PPP1R3E: variants seen among roughly 807,000 people sequenced by gnomAD.
The protein encoded by PPP1R3E is protein phosphatase 1 regulatory subunit 3E, also known as protein phosphatase 1, regulatory (inhibitor) subunit 3E.
In PPP1R3E, 20 loss-of-function variants were observed where a neutral mutation model predicts 18.5. The observed-to-expected ratio is 1.08, with a 90% CI of 0.76 to 1.58. The LOEUF is 1.58. PPP1R3E is among the 40% of genes most tolerant of loss of function. The pLI is 0.00. For missense variants in PPP1R3E, 498 were observed against 460.2 expected (o/e 1.08, Z -0.75); for synonymous variants, 208 against 208.1 (o/e 1.00, Z 0.00).
At position 23,301,792 on chromosome 14, in the gene PPP1R3E, T is replaced by C. The variant is rs894278358; in HGVS notation, c.484A>G (p.Ile162Val). Reference sequence around the variant, plus strand: ...CCCGCCTCGGCGCGTTCCAGGCAGATGCGCTGCGTCAGCAAGCGGGCGGCG... The same window carrying C: ...CCCGCCTCGGCGCGTTCCAGGCAGACGCGCTGCGTCAGCAAGCGGGCGGCG... ...GFAARLLTQR[I>V]CLERAEAGPL... Residue 162 changes from isoleucine to valine, a missense_variant, in exon 2 of 5, where the codon ATC becomes GTC. Physicochemically the swap from Ile to Val is conservative, Grantham distance 29. Transcript: ENST00000452015. 23 of 1,469,648 alleles carry C rather than the reference T, an allele frequency of 1.6e-5. No homozygotes were observed. The African/African-American group carries it at 2.9e-4, about 19-fold the overall frequency. 91.0% of individuals were successfully genotyped at this position (1,469,648 alleles called of 1,614,324 possible). A position where few individuals can be genotyped will look rare whatever the true frequency, so the allele number is the denominator to read the frequency against.
At position 23,300,778 on chromosome 14, in the gene PPP1R3E, G is replaced by C. The variant is rs900441761; in HGVS notation, c.*225C>G. ...GCTACCTGTCATCACTCCCCAGCCA[G>C]TCCGCGGACACCGCAGCCAGGAACT... is the stretch of plus-strand genomic sequence containing the variant. On this transcript the variant is annotated 3_prime_UTR_variant, in exon 3 of 5. Transcript: ENST00000452015. 6.6e-6 allele frequency: 1 copy of C among 152,280 alleles called. No homozygotes were observed. The highest frequency in any genetic ancestry group is 1.5e-5 in the Non-Finnish European group (1 of 68,090). The allele number at this position is 152,280 out of a possible 1,614,324, so 9.4% of individuals were successfully genotyped here.
chr14:23,301,585 C>T lies in PPP1R3E; in HGVS notation c.691G>A (p.Gly231Arg), dbSNP rs540190699. Reference protein sequence around the residue: ...FAFRLPAPPIGGALLFALRYR... With the variant: ...FAFRLPAPPIRGALLFALRYR... ...CGCAAGGCGAAGAGCAGGGCGCCCC[C>T]AATCGGCGGCGCGGGCAGGCGGAAG... Residue 231 changes from glycine (G) to arginine (R), a missense_variant, in exon 2 of 5, where the codon GGG (glycine) becomes AGG (arginine). Gly to Arg is a moderately radical substitution (Grantham distance 125, BLOSUM62 -2). Transcript: ENST00000452015. The T allele has an allele frequency of 1.8e-4, 255 of 1,449,010 alleles. 2 individuals carry two copies. The South Asian group carries it at 3.3e-3, about 19-fold the overall frequency. 89.8% of individuals were successfully genotyped at this position (1,449,010 alleles called of 1,614,324 possible).
chr14:23,302,100 C>G, intron 1 of PPP1R3E, 60 bp downstream of exon 1: 1 of 1,379,432 alleles, frequency 7.2e-7, no homozygotes, highest in Non-Finnish European at 9.3e-7. Context: ...TCCACTCCCA[C>G]AAGCCCGCTG....
rs1255253885 is a variant in PPP1R3E at position 23,301,458 on chromosome 14, T to C, written c.818A>G (p.Gln273Arg). Reference protein sequence around the residue: ...HPGSGGAPEPQGWIHFI With the variant: ...HPGSGGAPEPRGWIHFI ...GTCTCAGATAAAGTGGATCCAGCCC[T>C]GCGGCTCCGGAGCTCCGCCACTGCC... is the stretch of plus-strand genomic sequence containing the variant. Residue 273 changes from glutamine to arginine, a missense_variant, in exon 2 of 5, where the codon CAG becomes CGG. Physicochemically the swap from Gln to Arg is conservative, Grantham distance 43. Transcript: ENST00000452015. 4 of 1,463,502 alleles carry C rather than the reference T, an allele frequency of 2.7e-6. No individual in the cohort carries two copies. Among genetic ancestry groups the C allele is most frequent in the Non-Finnish European group, 2.7e-6 (3 of 1,111,586 alleles). 90.7% of individuals were successfully genotyped at this position (1,463,502 alleles called of 1,614,324 possible). A position where few individuals can be genotyped will look rare whatever the true frequency, so the allele number is the denominator to read the frequency against.
chr14:23,301,481 G>A lies in PPP1R3E; in HGVS notation c.795C>T (p.Gly265=). 6.8e-7 allele frequency: 1 copy of A among 1,468,676 alleles called. No homozygotes were observed. Among genetic ancestry groups the A allele is most frequent in the Non-Finnish European group, 9.0e-7 (1 of 1,113,106 alleles). The allele number at this position is 1,468,676 out of a possible 1,614,324, so 91.0% of individuals were successfully genotyped here. A position where few individuals can be genotyped will look rare whatever the true frequency, so the allele number is the denominator to read the frequency against. ...DYALRGPEHP[G]SGGAPEPQGW... ...CCTGCGGCTCCGGAGCTCCGCCACTGCCCGGGTGCTCGGGCCCACGTAGAG... is the reference window on the plus strand; with the variant it reads ...CCTGCGGCTCCGGAGCTCCGCCACTACCCGGGTGCTCGGGCCCACGTAGAG... Residue 265 remains glycine, a synonymous_variant, in exon 2 of 5, where the codon GGC becomes GGT. Coordinates refer to ENST00000452015, the MANE Select transcript of PPP1R3E (RefSeq NM_001276318.2).
Position 23,301,779 on chromosome 14 carries a change from C to T in PPP1R3E, c.497G>A (p.Arg166His). The T allele has an allele frequency of 1.4e-6, 2 of 1,442,434 alleles. No individual in the cohort carries two copies. Among genetic ancestry groups the T allele is most frequent in the South Asian group, 1.4e-5 (1 of 73,552 alleles). 89.4% of individuals were successfully genotyped at this position (1,442,434 alleles called of 1,614,324 possible). The change falls in exon 2 of 5, where the codon CGC becomes CAC. Residue 166 changes from arginine (R) to histidine (H), a missense_variant. Transcript: ENST00000452015. Reference protein sequence around the residue: ...RLLTQRICLERAEAGPLGVAG... With the variant: ...RLLTQRICLEHAEAGPLGVAG... ...CACGCCCAGCGGGCCCGCCTCGGCG[C>T]GTTCCAGGCAGATGCGCTGCGTCAG...
Position 23,301,612 on chromosome 14 carries a change from C to T in PPP1R3E, c.664G>A (p.Ala222Thr). The T allele has an allele frequency of 7.1e-7, 1 of 1,417,808 alleles. No homozygotes were observed. Among genetic ancestry groups the T allele is most frequent in the Non-Finnish European group, 9.2e-7 (1 of 1,086,978 alleles). The allele number at this position is 1,417,808 out of a possible 1,614,324, so 87.8% of individuals were successfully genotyped here. Residue 222 changes from alanine to threonine, a missense_variant, in exon 2 of 5, where the codon GCC (alanine) becomes ACC (threonine). By Grantham distance (58) the Ala-to-Thr change is moderately conservative. Transcript: ENST00000452015. The part of the protein sequence containing the change: ...APPPPRADRF[A>T]FRLPAPPIGG... ...ATCGGCGGCGCGGGCAGGCGGAAGG[C>T]GAAGCGGTCGGCGCGCGGCGGGGGC...
rs948548001 is a variant in PPP1R3E at position 23,302,618 on chromosome 14, C to T, written c.-42G>A. On this transcript the variant is annotated 5_prime_UTR_variant, in exon 1 of 5. Transcript: ENST00000452015. ...GCGGGGCCAGCTCGCAGCGCCACCGCGCTCCCCTCTCTTCCTCTCTCCCGC... is the reference window on the plus strand; with the variant it reads ...GCGGGGCCAGCTCGCAGCGCCACCGTGCTCCCCTCTCTTCCTCTCTCCCGC... 2 of 1,398,640 alleles carry T rather than the reference C, an allele frequency of 1.4e-6. No individual in the cohort carries two copies. The highest frequency in any genetic ancestry group is 1.8e-6 in the Non-Finnish European group (2 of 1,086,490). 86.6% of individuals were successfully genotyped at this position (1,398,640 alleles called of 1,614,324 possible). A position where few individuals can be genotyped will look rare whatever the true frequency, so the allele number is the denominator to read the frequency against.
Position 23,302,542 on chromosome 14 carries a change from G to T in PPP1R3E, c.35C>A (p.Pro12His). The T allele has an allele frequency of 6.7e-7, 1 of 1,489,322 alleles. No individual in the cohort carries two copies. Among genetic ancestry groups the T allele is most frequent in the Non-Finnish European group, 8.9e-7 (1 of 1,128,268 alleles). 92.3% of individuals were successfully genotyped at this position (1,489,322 alleles called of 1,614,324 possible). ...SRERPPGTDI[P>H]RNLSFIAALT... ...CGCGGCGATGAAGCTCAGGTTGCGG[G>T]GAATGTCGGTGCCCGGGGGCCGCTC... The change falls in exon 1 of 5, where the codon CCC becomes CAC. Residue 12 changes from proline (P) to histidine (H), a missense_variant. Coordinates refer to ENST00000452015, the MANE Select transcript of PPP1R3E (RefSeq NM_001276318.2).
In PPP1R3E at chr14:23,301,346, C is replaced by T; in HGVS notation, c.*90G>A. ...CTCCCTTGGACCGCTCCCGCCAATC[C>T]TGGTCTCTCCTACTCCTCCCCGCCA... On this transcript the variant is annotated 3_prime_UTR_variant, in exon 2 of 5. Coordinates refer to ENST00000452015, the MANE Select transcript of PPP1R3E (RefSeq NM_001276318.2). 8.1e-7 allele frequency: 1 copy of T among 1,238,010 alleles called. No individual in the cohort carries two copies. Among genetic ancestry groups the T allele is most frequent in the Non-Finnish European group, 1.0e-6 (1 of 987,268 alleles). 76.7% of individuals were successfully genotyped at this position (1,238,010 alleles called of 1,614,324 possible). A position where few individuals can be genotyped will look rare whatever the true frequency, so the allele number is the denominator to read the frequency against.
chr14:23,299,927 G>GTTTTTTTTTTTTTTTTTTTTTTTTT (rs3079707), intron 3 of PPP1R3E, among the ~76,000 whole-genome samples: 2 of 100,784 alleles, frequency 2.0e-5, no homozygotes, highest in Non-Finnish European at 4.0e-5. Context: ...TTTTGTTTTT[G>GTTTTTTTTTTTTTTTTTTTTTTTTT]TTTTTTTTTT....
chr14:23,301,387 C>T lies in PPP1R3E; in HGVS notation c.*49G>A, dbSNP rs761081827. The T allele has an allele frequency of 3.6e-5, 47 of 1,317,748 alleles. No individual in the cohort carries two copies. Among genetic ancestry groups the T allele is most frequent in the African/African-American group, 4.6e-5 (3 of 65,376 alleles). 81.6% of individuals were successfully genotyped at this position (1,317,748 alleles called of 1,614,324 possible). On this transcript the variant is annotated 3_prime_UTR_variant, in exon 2 of 5. Coordinates refer to ENST00000452015, the MANE Select transcript of PPP1R3E (RefSeq NM_001276318.2). Reference sequence around the variant, plus strand: ...CTCCCCGCCACATCGGGTCGCCCCGCCCCCGGGTGCCTTTGGTGTTTTCCG... The same window carrying T: ...CTCCCCGCCACATCGGGTCGCCCCGTCCCCGGGTGCCTTTGGTGTTTTCCG...
chr14:23,299,934 T>TG (rs1566457841), intron 3 of PPP1R3E, among the ~76,000 whole-genome samples: 4 of 105,932 alleles, frequency 3.8e-5, no homozygotes, highest in African/African-American at 2.9e-4. Context: ...TTTGTTTTTT[T>TG]TTTTTTTTTT....
Position 23,297,781 on chromosome 14 carries a change from A to T in PPP1R3E, c.*1523T>A, listed in dbSNP as rs571801679. On this transcript the variant is annotated 3_prime_UTR_variant, in exon 5 of 5. Transcript: ENST00000452015. ...GGGCAGCTTGATATGGGAATAATCA[A>T]GACCAAAATGTTGTTCTATAAAGCT... 1 of 152,344 alleles carries T rather than the reference A, an allele frequency of 6.6e-6. No homozygotes were observed. Among genetic ancestry groups the T allele is most frequent in the South Asian group, 2.1e-4 (1 of 4,830 alleles). The allele number at this position is 152,344 out of a possible 1,614,324, so 9.4% of individuals were successfully genotyped here.
chr14:23,302,531 T>C lies in PPP1R3E; in HGVS notation c.46A>G (p.Ser16Gly). 1 of 1,494,084 alleles carries C rather than the reference T, an allele frequency of 6.7e-7. No homozygotes were observed. The highest frequency in any genetic ancestry group is 8.8e-7 in the Non-Finnish European group (1 of 1,130,338). 92.6% of individuals were successfully genotyped at this position (1,494,084 alleles called of 1,614,324 possible). Residue 16 changes from serine to glycine, a missense_variant, in exon 1 of 5, where the codon AGC (serine) becomes GGC (glycine). Ser to Gly is a moderately conservative substitution (Grantham distance 56, BLOSUM62 0). Coordinates refer to ENST00000452015, the MANE Select transcript of PPP1R3E (RefSeq NM_001276318.2). ...CGCTCCGTTAGCGCGGCGATGAAGC[T>C]CAGGTTGCGGGGAATGTCGGTGCCC... ...PPGTDIPRNL[S>G]FIAALTERAY...
chr14:23,301,669 C>T lies in PPP1R3E; in HGVS notation c.607G>A (p.Glu203Lys). Residue 203 changes from glutamate to lysine, a missense_variant, in exon 2 of 5, where the codon GAG becomes AAG. Transcript: ENST00000452015. ...WSADGWRSQR[E>K]APAAYAGPAP... ...GGACCGGCGTAGGCGGCTGGCGCCTCGCGTTGGCTCCGCCAGCCGTCGGCG... is the reference window on the plus strand; with the variant it reads ...GGACCGGCGTAGGCGGCTGGCGCCTTGCGTTGGCTCCGCCAGCCGTCGGCG... 4 of 1,314,164 alleles carry T rather than the reference C, an allele frequency of 3.0e-6. No homozygotes were observed. The highest frequency in any genetic ancestry group is 2.2e-5 in the South Asian group (1 of 45,670). 81.4% of individuals were successfully genotyped at this position (1,314,164 alleles called of 1,614,324 possible).
intron 3 of PPP1R3E, among the ~76,000 whole-genome samples, chr14:23,299,921 G>GTTTTT (rs1265464684): frequency 1.2e-3 from 54 of 44,430 alleles, no homozygotes; most frequent in Non-Finnish European, 1.9e-3. Context: ...GTGTTTTTTT[G>GTTTTT]TTTTTGTTTT....
chr14:23,301,392 G>C lies in PPP1R3E; in HGVS notation c.*44C>G. The C allele has an allele frequency of 7.6e-7, 1 of 1,318,080 alleles. No individual in the cohort carries two copies. The highest frequency in any genetic ancestry group is 1.9e-5 in the South Asian group (1 of 51,638). The allele number at this position is 1,318,080 out of a possible 1,614,324, so 81.6% of individuals were successfully genotyped here. On this transcript the variant is annotated 3_prime_UTR_variant, in exon 2 of 5. Transcript: ENST00000452015. The stretch of plus-strand genomic sequence containing the variant: ...CGCCACATCGGGTCGCCCCGCCCCC[G>C]GGTGCCTTTGGTGTTTTCCGCCGTC...
Position 23,301,373 on chromosome 14 carries a change from A to T in PPP1R3E, c.*63T>A. On this transcript the variant is annotated 3_prime_UTR_variant, in exon 2 of 5. Transcript: ENST00000452015. ...GGTCTCTCCTACTCCTCCCCGCCACATCGGGTCGCCCCGCCCCCGGGTGCC... is the reference window on the plus strand; with the variant it reads ...GGTCTCTCCTACTCCTCCCCGCCACTTCGGGTCGCCCCGCCCCCGGGTGCC... The T allele has an allele frequency of 8.0e-7, 1 of 1,247,594 alleles. No homozygotes were observed. Among genetic ancestry groups the T allele is most frequent in the Non-Finnish European group, 1.0e-6 (1 of 988,506 alleles). 77.3% of individuals were successfully genotyped at this position (1,247,594 alleles called of 1,614,324 possible).
Sources: gnomAD v4.1 joint callset for allele counts (sites outside exome capture counted in the v4.1 genomes callset) on GRCh38, gnomAD v4.1.1 for gene constraint, MANE v1.5 for transcripts, NCBI Gene and HGNC (gene_info 2026-07-23, HGNC 2026-07-21) for gene names.